The following FARP1 variants were observed in gnomAD, a reference collection of about 807,000 sequenced individuals.
FARP1 encodes FERM, ARHGEF and pleckstrin domain-containing protein 1.
In FARP1, 52 loss-of-function variants were observed where a neutral mutation model predicts 128.8. The observed-to-expected ratio is 0.40, with a 90% CI of 0.32 to 0.51. FARP1 has a LOEUF of 0.51. Among genes scored for constraint, FARP1 ranks in the 20% least tolerant of loss-of-function variants. The probability of loss-of-function intolerance (pLI) is 0.45; values close to 1 mark genes in which losing one functional copy is unlikely to be tolerated. For missense variants in FARP1, 1,333 were observed against 1,367.9 expected (o/e 0.97, Z 0.40); for synonymous variants, 580 against 551.8 (o/e 1.05, Z -0.72).
At chr13:98,331,424 C>G (rs1887504226) in intron 2 of FARP1, among the ~76,000 whole-genome samples, 1 of 152,132 alleles carries the variant, frequency 6.6e-6, no homozygotes, top group Non-Finnish European at 1.5e-5. Context: ...CACCTTTTTC[C>G]TCTTCTAGTC....
intron 2 of FARP1, among the ~76,000 whole-genome samples, chr13:98,328,018 G>T (rs144264990): frequency 5.4e-4 from 82 of 152,328 alleles, no homozygotes; most frequent in African/African-American, 1.9e-3. Flanking sequence ...AAACATGGCA[G>T]TGTTAGCATG....
chr13:98,191,220 C>T (rs1312274443), intron 1 of FARP1, among the ~76,000 whole-genome samples: 3 of 152,142 alleles, frequency 2.0e-5, no homozygotes, highest in South Asian at 2.1e-4. Context: ...AACCCTTGAC[C>T]GTACTAACCT....
rs1409240193 is a variant in FARP1, at chr13:98,229,236, GTGAAGA to G, written c.171+15831_171+15836del. On this transcript the variant is annotated intron_variant, in intron 2 of 26. Transcript: ENST00000319562. Reference sequence around the variant, plus strand: ...TTTCTTTGCAAAGATTCAGCTAGCAGTGAAGATGAAGATAGAACACATCAAGAATGG... The same window carrying G: ...TTTCTTTGCAAAGATTCAGCTAGCAGTGAAGATAGAACACATCAAGAATGG... 2.6e-5 allele frequency among the ~76,000 whole-genome samples: 4 copies of G among 152,196 alleles called. No homozygotes were observed. In the South Asian group the frequency reaches 6.2e-4, roughly 24 times the overall value.
chr13:98,166,864 T>C (rs1376224624), intron 1 of FARP1, among the ~76,000 whole-genome samples: 1 of 151,914 alleles, frequency 6.6e-6, no homozygotes, highest in African/African-American at 2.4e-5. Context: ...GCTGAGACTA[T>C]AGGCGTGCAC....
intron 5 of FARP1, among the ~76,000 whole-genome samples, chr13:98,372,274 A>G (rs1377989717): frequency 1.3e-5 from 2 of 151,680 alleles, no homozygotes; most frequent in Non-Finnish European, 2.9e-5. Context: ...TTTAGTAGAG[A>G]CGGGGTTTCA....
intron 13 of FARP1, chr13:98,403,759 T>C (rs1042198116): frequency 3.9e-5 from 6 of 152,230 alleles, no homozygotes; most frequent in African/African-American, 1.2e-4. Flanking sequence ...CCAGTAACAA[T>C]GAGCTTGGTG....
chr13:98,327,887 GACA>G (rs1887302287), intron 2 of FARP1, among the ~76,000 whole-genome samples: 1 of 152,172 alleles, frequency 6.6e-6, no homozygotes. Context: ...GGAAGAATAA[GACA>G]ACAATTTATG....
intron 2 of FARP1, among the ~76,000 whole-genome samples, chr13:98,217,370 G>A (rs78195447): frequency 2.8e-4 from 43 of 152,306 alleles, no homozygotes; most frequent in Admixed American, 5.2e-4. Context: ...AGTTGCAGGC[G>A]GGTGGACGAT....
chr13:98,217,692 GT>G (rs1044538090), intron 2 of FARP1, among the ~76,000 whole-genome samples: 1 of 152,198 alleles, frequency 6.6e-6, no homozygotes, highest in African/African-American at 2.4e-5. Context: ...GTCCTCGGCG[GT>G]TTGTTTTCTG....
intron 2 of FARP1, among the ~76,000 whole-genome samples, chr13:98,227,758 T>G (rs1338058640): frequency 6.6e-6 from 1 of 152,202 alleles, no homozygotes; most frequent in East Asian, 1.9e-4. Context: ...CAAAGTGTGT[T>G]ATATACGTGC....
At chr13:98,446,869 C>G (rs1462521956) in intron 26 of FARP1, 52 bp downstream of exon 26, 2 of 1,591,452 alleles carry the variant, frequency 1.3e-6, no homozygotes, top group African/African-American at 1.3e-5. Flanking sequence ...ACCCCCTCTT[C>G]CAAACATCAG....
chr13:98,362,744 A>G (rs61968364), intron 3 of FARP1, among the ~76,000 whole-genome samples: 23,327 of 152,172 alleles, frequency 0.15, 2,318 homozygotes, highest in Middle Eastern at 0.25. Context: ...TGATCCAAGG[A>G]CACCTCAGAA....
At chr13:98,428,453 C>T (rs1329991486) in intron 17 of FARP1, among the ~76,000 whole-genome samples, 3 of 152,136 alleles carry the variant, frequency 2.0e-5, no homozygotes, top group Non-Finnish European at 4.4e-5. Context: ...GCGACCAGGC[C>T]AGCTTCCCAA....
At chr13:98,149,667 C>T (rs1005865565) in intron 1 of FARP1, among the ~76,000 whole-genome samples, 1 of 146,570 alleles carries the variant, frequency 6.8e-6, no homozygotes, top group African/African-American at 2.5e-5. Context: ...ACTAATGAAA[C>T]ATTTTCATGT....
chr13:98,155,330 C>T (rs1481447512), intron 1 of FARP1, among the ~76,000 whole-genome samples: 4 of 115,502 alleles, frequency 3.5e-5, no homozygotes, highest in Non-Finnish European at 5.0e-5. Context: ...GGGTAACGAG[C>T]GAAACTCTGT....
At chr13:98,261,941 G>T (rs1594333729) in intron 2 of FARP1, among the ~76,000 whole-genome samples, 1 of 152,066 alleles carries the variant, frequency 6.6e-6, no homozygotes, top group Non-Finnish European at 1.5e-5. Flanking sequence ...ATCTGGAGGG[G>T]ACACCCAATT....
chr13:98,349,365 C>G (rs6491420), intron 3 of FARP1, among the ~76,000 whole-genome samples: 16,400 of 152,100 alleles, frequency 0.11, 1,160 homozygotes, highest in African/African-American at 0.2. Context: ...AGCCAGCCCA[C>G]CACTGTTTTA....
At chr13:98,435,492 C>T (rs752585287) in intron 18 of FARP1, 84 bp from the exon 19 acceptor site, 23 of 1,407,688 alleles carry the variant, frequency 1.6e-5, no homozygotes, top group Non-Finnish European at 1.8e-5. Context: ...GAGTGATTTC[C>T]CTGCAGCGTT....
intron 2 of FARP1, among the ~76,000 whole-genome samples, chr13:98,258,687 C>T (rs1883730377): frequency 1.3e-5 from 2 of 151,138 alleles, no homozygotes; most frequent in South Asian, 4.2e-4. Flanking sequence ...GACTACATCT[C>T]TATTGTGGGG....
Sources: allele counts gnomAD v4.1 joint callset (sites outside exome capture counted in the v4.1 genomes callset), GRCh38; gene constraint gnomAD v4.1.1; transcripts MANE v1.5; gene names NCBI Gene and HGNC (gene_info 2026-07-23, HGNC 2026-07-21).